Variants in SNRK observed in about 807,000 individuals in gnomAD.
The protein encoded by SNRK is SNF-related serine/threonine-protein kinase.
A neutral mutation model predicts 48.2 loss-of-function variants in SNRK; 3 were observed. The ratio of observed to expected loss-of-function variants is 0.06; its 90% CI spans 0.03 to 0.16. The LOEUF (loss-of-function observed/expected upper bound fraction) is 0.16. Among genes scored for constraint, SNRK ranks in the 10% least tolerant of loss-of-function variants. SNRK has a pLI of 1.00. For missense variants in SNRK, 627 were observed against 976.0 expected, an observed-to-expected ratio of 0.64 and a Z score of 4.76; for synonymous variants, 376 against 366.1, an observed-to-expected ratio of 1.03 and a Z score of -0.31.
At chr3:43,313,587 TGTG>T (rs2090994250) in intron 3 of SNRK, among the ~76,000 whole-genome samples, 1 of 152,164 alleles carries the variant, frequency 6.6e-6, no homozygotes, top group African/African-American at 2.4e-5. Context: ...GAAGGAGCCT[TGTG>T]GTGATGGAGC....
intron 3 of SNRK, among the ~76,000 whole-genome samples, chr3:43,328,011 A>AT (rs557592086): frequency 2.8e-5 from 4 of 143,754 alleles, no homozygotes; most frequent in Non-Finnish European, 6.1e-5. Context: ...CCTTTTTTTC[A>AT]TTTTTATTAA....
chr3:43,336,111 C>T (rs892195165), intron 4 of SNRK, among the ~76,000 whole-genome samples: 2 of 151,852 alleles, frequency 1.3e-5, no homozygotes, highest in African/African-American at 4.8e-5. Context: ...GTTTGTCCTA[C>T]TTCAGTTTTT....
Position 43,350,383 on chromosome 3 carries a change from ACT to A in SNRK, c.*1829_*1830del, listed in dbSNP as rs1316900970. On this transcript the variant is annotated 3_prime_UTR_variant, in exon 7 of 7. Coordinates refer to ENST00000296088, the MANE Select transcript of SNRK (RefSeq NM_017719.5). ...AGTTTATAAAGGGCATTGGCAATAA[ACT>A]CTTTGTTGCAGCTGTTTTCCAAGCA... The A allele has an allele frequency of 6.6e-6, 1 of 152,404 alleles. No homozygotes were observed. Among genetic ancestry groups the A allele is most frequent in the Non-Finnish European group, 1.5e-5 (1 of 67,982 alleles). 9.4% of individuals were successfully genotyped at this position (152,404 alleles called of 1,614,324 possible). A position where few individuals can be genotyped will look rare whatever the true frequency, so the allele number is the denominator to read the frequency against.
At chr3:43,335,868 C>T (rs2091183950) in intron 4 of SNRK, among the ~76,000 whole-genome samples, 1 of 152,182 alleles carries the variant, frequency 6.6e-6, no homozygotes, top group Admixed American at 6.5e-5. Flanking sequence ...TAATTTCAGC[C>T]ACACCAGTCT....
chr3:43,306,705 T>A (rs1391969251), intron 3 of SNRK, among the ~76,000 whole-genome samples: 1 of 152,200 alleles, frequency 6.6e-6, no homozygotes, highest in African/African-American at 2.4e-5. Context: ...TGCTATATGA[T>A]GCCCTCTCCC....
At chr3:43,300,045 C>T (rs2090887207) in intron 2 of SNRK, among the ~76,000 whole-genome samples, 1 of 152,106 alleles carries the variant, frequency 6.6e-6, no homozygotes, top group African/African-American at 2.4e-5. Flanking sequence ...TCTAAACTTT[C>T]AGTTAATCAT....
intron 3 of SNRK, among the ~76,000 whole-genome samples, chr3:43,310,040 A>T (rs1207992171): frequency 6.6e-6 from 1 of 152,126 alleles, no homozygotes; most frequent in African/African-American, 2.4e-5. Context: ...AAACAAAAAA[A>T]TTTGTGTGTC....
chr3:43,327,321 T>C (rs1265285943), intron 3 of SNRK, among the ~76,000 whole-genome samples: 1 of 152,240 alleles, frequency 6.6e-6, no homozygotes, highest in African/African-American at 2.4e-5. Context: ...TAAGAAAGCA[T>C]TGCCTTCTAC....
At position 43,344,195 on chromosome 3, in the gene SNRK, A is replaced by G. The variant is rs963094663; in HGVS notation, c.1079+717A>G. Among the ~76,000 whole-genome samples the G allele has an allele frequency of 5.9e-5, 9 of 151,494 alleles. No homozygotes were observed. In the East Asian group the frequency reaches 1.7e-3, roughly 29 times the overall value. On this transcript the variant is annotated intron_variant, in intron 6 of 6. Transcript: ENST00000296088. ...ACGTGCTGCTCCCCAAGCCTTTTCT[A>G]ACCCCCTCTCTCCTCCTCCTCCTCT...
At chr3:43,293,904 G>A (rs1047336474) in intron 1 of SNRK, among the ~76,000 whole-genome samples, 2 of 151,704 alleles carry the variant, frequency 1.3e-5, no homozygotes, top group African/African-American at 4.9e-5. Flanking sequence ...GTGTGACAGA[G>A]TGAGGCTCTG....
intron 5 of SNRK, 155 bp from the exon 6 acceptor site, chr3:43,343,189 A>G: frequency 2.3e-6 from 2 of 858,854 alleles, no homozygotes; most frequent in Non-Finnish European, 3.5e-6. Flanking sequence ...CTAAATAACT[A>G]CTAGTTTGGT....
intron 2 of SNRK, among the ~76,000 whole-genome samples, chr3:43,300,729 A>G (rs1293027106): frequency 6.6e-6 from 1 of 152,086 alleles, no homozygotes; most frequent in African/African-American, 2.4e-5. Flanking sequence ...TAATCCTGTC[A>G]TTAAAGTTAT....
chr3:43,339,297 T>C (rs1051032594), intron 4 of SNRK, among the ~76,000 whole-genome samples: 1 of 152,218 alleles, frequency 6.6e-6, no homozygotes, highest in African/African-American at 2.4e-5. Context: ...GCTGGAGTCC[T>C]AGCTCTTTGC....
intron 1 of SNRK, among the ~76,000 whole-genome samples, chr3:43,287,004 G>A (rs988635615): frequency 1.5e-3 from 215 of 148,106 alleles, no homozygotes; most frequent in African/African-American, 3.6e-3. Flanking sequence ...CGGCACCTCG[G>A]AAGGCGCCCG....
At chr3:43,327,253 T>C (rs1297332961) in intron 3 of SNRK, among the ~76,000 whole-genome samples, 2 of 152,162 alleles carry the variant, frequency 1.3e-5, no homozygotes, top group Non-Finnish European at 2.9e-5. Context: ...GCAAAGGTCT[T>C]AGGTTTTATT....
intron 3 of SNRK, among the ~76,000 whole-genome samples, chr3:43,314,763 A>C (rs907759820): frequency 6.6e-6 from 1 of 152,212 alleles, no homozygotes; most frequent in African/African-American, 2.4e-5. Flanking sequence ...ACATAAATGA[A>C]GTCAGGCCTC....
chr3:43,322,928 C>T (rs1343251643), intron 3 of SNRK, among the ~76,000 whole-genome samples: 10 of 93,788 alleles, frequency 1.1e-4, no homozygotes, highest in Middle Eastern at 0.014. Context: ...CTACAGCCTG[C>T]GCGACAGAGT....
In SNRK at chr3:43,287,306, A is replaced by G. The variant is rs548466842; in HGVS notation, c.-169+631A>G. On this transcript the variant is annotated intron_variant, in intron 1 of 6. Transcript: ENST00000296088. ...GAAATCTACGTTCTTTTCCATAGTCATCGCCTGTTGATTTCTTTCTGGTCC... is the reference window on the plus strand; with the variant it reads ...GAAATCTACGTTCTTTTCCATAGTCGTCGCCTGTTGATTTCTTTCTGGTCC... Among the ~76,000 whole-genome samples, 7 of 152,312 alleles carry G rather than the reference A, an allele frequency of 4.6e-5. No individual in the cohort carries two copies. In the South Asian group the frequency reaches 1.5e-3, roughly 32 times the overall value.
In SNRK at chr3:43,347,464, A is replaced by T; in HGVS notation, c.1205A>T (p.His402Leu). ...ARAADSVLNG[H>L]RSKGLCDSAK... is the part of the protein sequence containing the mutation. Reference sequence around the variant, plus strand: ...GCTGCTGACAGTGTCCTCAATGGCCACAGGAGCAAAGGCCTGTGTGACTCA... The same window carrying T: ...GCTGCTGACAGTGTCCTCAATGGCCTCAGGAGCAAAGGCCTGTGTGACTCA... Residue 402 changes from histidine (H) to leucine (L), a missense_variant, in exon 7 of 7, where the codon CAC becomes CTC. Transcript: ENST00000296088. This position sits in a 1 kb window ranked among gnomAD's most constrained non-coding sequence, Gnocchi z 5.4. 1.9e-6 allele frequency: 3 copies of T among 1,613,976 alleles called. No homozygotes were observed. Among genetic ancestry groups the T allele is most frequent in the Non-Finnish European group, 2.5e-6 (3 of 1,179,988 alleles).
Sources: gnomAD v4.1 joint callset for allele counts (sites outside exome capture counted in the v4.1 genomes callset) on GRCh38, gnomAD v4.1.1 for gene constraint, Gnocchi (gnomAD v3.1) non-coding constraint, MANE v1.5 for transcripts, NCBI Gene and HGNC (gene_info 2026-07-23, HGNC 2026-07-21) for gene names.